Variants in HGSNAT observed in about 807,000 individuals in gnomAD.
HGSNAT encodes the protein transmembrane protein 76.
HGSNAT carries 59 observed loss-of-function variants against 85.2 expected under a neutral mutation model. The observed-to-expected ratio is 0.69, with a 90% CI of 0.56 to 0.86. The LOEUF (loss-of-function observed/expected upper bound fraction) is 0.86, where lower values mean the gene tolerates loss of function less well. Among genes scored for constraint, HGSNAT ranks in the 40% least tolerant of loss-of-function variants. The pLI is 0.00. For synonymous variants in HGSNAT, 321 were observed against 304.5 expected (o/e 1.05, Z -0.56); for missense variants, 756 against 777.1 (o/e 0.97, Z 0.32).
intron 11 of HGSNAT, among the ~76,000 whole-genome samples, chr8:43,182,961 T>G (rs546835442): frequency 4.6e-5 from 7 of 152,358 alleles, no homozygotes; most frequent in Admixed American, 3.3e-4. Flanking sequence ...AGTAATCACA[T>G]GCATTCTTTT....
chr8:43,173,239 C>T (rs1803688151), intron 8 of HGSNAT, among the ~76,000 whole-genome samples: 1 of 152,190 alleles, frequency 6.6e-6, no homozygotes, highest in Admixed American at 6.5e-5. Flanking sequence ...ATCCTCCCAC[C>T]TTAGCCTCCC....
intron 11 of HGSNAT, among the ~76,000 whole-genome samples, chr8:43,191,002 A>G (rs1053621519): frequency 1.1e-4 from 16 of 152,210 alleles, no homozygotes; most frequent in Non-Finnish European, 1.8e-4. Flanking sequence ...ATGAAGTCAT[A>G]TAACGTGGCT....
chr8:43,194,885 T>C (rs1028262341), intron 14 of HGSNAT, among the ~76,000 whole-genome samples: 1 of 152,190 alleles, frequency 6.6e-6, no homozygotes, highest in Admixed American at 6.5e-5. Context: ...CTTCACCAGA[T>C]ACCGAATCTA....
intron 6 of HGSNAT, 58 bp downstream of exon 6, chr8:43,169,300 A>T: frequency 9.1e-7 from 1 of 1,101,906 alleles, no homozygotes; most frequent in Non-Finnish European, 1.3e-6. Context: ...TGGAATTTAT[A>T]GTTTCTTATT....
At chr8:43,151,448 G>T (rs974616470) in intron 2 of HGSNAT, among the ~76,000 whole-genome samples, 2 of 152,168 alleles carry the variant, frequency 1.3e-5, no homozygotes, top group Non-Finnish European at 2.9e-5. Context: ...ACCTCTCCAC[G>T]TGTCAGTGTT....
At chr8:43,180,084 G>A (rs1253526473) in intron 10 of HGSNAT, among the ~76,000 whole-genome samples, 1 of 89,304 alleles carries the variant, frequency 1.1e-5, no homozygotes, top group African/African-American at 4.4e-5. Flanking sequence ...CCTCCCTCCC[G>A]GACGGGGCGG....
intron 10 of HGSNAT, among the ~76,000 whole-genome samples, chr8:43,180,083 C>T (rs1186993831): frequency 2.4e-5 from 2 of 84,026 alleles, no homozygotes; most frequent in African/African-American, 8.4e-5. Context: ...ACCTCCCTCC[C>T]GGACGGGGCG....
chr8:43,162,910 G>A (rs763995149), intron 5 of HGSNAT, among the ~76,000 whole-genome samples: 3 of 152,086 alleles, frequency 2.0e-5, no homozygotes, highest in African/African-American at 4.8e-5. Context: ...GCTAGGCCGG[G>A]TACGGTGGCT....
chr8:43,157,847 TA>T (rs1251277451), intron 2 of HGSNAT, among the ~76,000 whole-genome samples: 40 of 148,754 alleles, frequency 2.7e-4, no homozygotes, highest in African/African-American at 9.7e-4. Context: ...ACACATAATT[TA>T]TATAGCAAAA....
At chr8:43,141,264 GT>G (rs1477729930) in intron 1 of HGSNAT, among the ~76,000 whole-genome samples, 2 of 152,146 alleles carry the variant, frequency 1.3e-5, no homozygotes, top group Non-Finnish European at 2.9e-5. Context: ...CCCTCGGCGC[GT>G]TTTCCCTCCA....
chr8:43,197,993 C>G (rs1191653958), intron 17 of HGSNAT, 41 bp downstream of exon 17: 2 of 1,424,580 alleles, frequency 1.4e-6, no homozygotes, highest in Non-Finnish European at 2.0e-6. Flanking sequence ...GGATGGTGAC[C>G]AGGAGGCAGG....
chr8:43,161,399 C>A, intron 4 of HGSNAT, 39 bp from the exon 5 acceptor site: 1 of 1,529,524 alleles, frequency 6.5e-7, no homozygotes, highest in Non-Finnish European at 9.0e-7. Context: ...TTCATGATGA[C>A]ATTTTTGGGG....
intron 11 of HGSNAT, among the ~76,000 whole-genome samples, chr8:43,188,146 T>C (rs1455144071): frequency 1.3e-5 from 2 of 152,196 alleles, no homozygotes; most frequent in Non-Finnish European, 2.9e-5. Flanking sequence ...TTGAGGAGTA[T>C]CTTTGTGGTG....
chr8:43,193,871 T>C, intron 14 of HGSNAT, 28 bp downstream of exon 14: 2 of 1,606,856 alleles, frequency 1.2e-6, no homozygotes, highest in Non-Finnish European at 1.7e-6. Flanking sequence ...TAGGTTACTT[T>C]TTCTGACAAT....
Position 43,158,990 on chromosome 8 carries a change from A to C in HGSNAT, c.439A>C (p.Ser147Arg). Reference protein sequence around the residue: ...LLVKNIHNGVSEIACDLAVNE... With the variant: ...LLVKNIHNGVREIACDLAVNE... The stretch of plus-strand genomic sequence containing the variant: ...GGTAAAGAACATCCATAATGGAGTT[A>C]GTGAAATTGCCTGTGACCTGGCTGT... Residue 147 changes from serine (S) to arginine (R), a missense_variant, in exon 4 of 18, where the codon AGT becomes CGT. Physicochemically the swap from Ser to Arg is moderately radical, Grantham distance 110. Coordinates refer to ENST00000379644, the MANE Select transcript of HGSNAT (RefSeq NM_152419.3). 6.2e-7 allele frequency: 1 copy of C among 1,613,588 alleles called. No individual in the cohort carries two copies.
At chr8:43,189,897 G>C (rs1003383755) in intron 11 of HGSNAT, among the ~76,000 whole-genome samples, 4 of 152,208 alleles carry the variant, frequency 2.6e-5, no homozygotes, top group Non-Finnish European at 5.9e-5. Flanking sequence ...CTGGCCGCCT[G>C]ACCCCATTCT....
intron 2 of HGSNAT, among the ~76,000 whole-genome samples, chr8:43,147,729 G>T (rs1802762281): frequency 6.6e-6 from 1 of 152,068 alleles, no homozygotes; most frequent in Non-Finnish European, 1.5e-5. Flanking sequence ...GTGGGAACAG[G>T]AGACACTAGG....
chr8:43,146,881 C>T, intron 1 of HGSNAT, 67 bp from the exon 2 acceptor site: 1 of 874,716 alleles, frequency 1.1e-6, no homozygotes, highest in Non-Finnish European at 1.8e-6. Context: ...CACGAATGTA[C>T]TTTGTCTCTA....
Position 43,197,920 on chromosome 8 carries a change from G to A in HGSNAT, c.1694G>A (p.Gly565Glu). The A allele has an allele frequency of 1.2e-6, 2 of 1,613,820 alleles. No individual in the cohort carries two copies. The highest frequency in any genetic ancestry group is 1.7e-6 in the Non-Finnish European group (2 of 1,179,796). ...LVLYPVVDVKGLWTGTPFFYP... is the reference protein window; with the variant it reads ...LVLYPVVDVKELWTGTPFFYP... ...CTGTACCCAGTTGTGGATGTGAAGG[G>A]GCTGTGGACAGGAACCCCATTCTTT... Residue 565 changes from glycine to glutamate, a missense_variant, in exon 17 of 18, where the codon GGG (glycine) becomes GAG (glutamate). Gly to Glu is a moderately conservative substitution (Grantham distance 98). Coordinates refer to ENST00000379644, the MANE Select transcript of HGSNAT (RefSeq NM_152419.3).
Sources: gnomAD v4.1 joint callset for allele counts (sites outside exome capture counted in the v4.1 genomes callset) on GRCh38, gnomAD v4.1.1 for gene constraint, MANE v1.5 for transcripts, NCBI Gene and HGNC (gene_info 2026-07-23, HGNC 2026-07-21) for gene names.